MAL: variants seen among roughly 807,000 people sequenced by gnomAD.
MAL encodes the protein mal, T cell differentiation protein (MAL blood group), also known as myelin and lymphocyte protein.
In MAL, 5 loss-of-function variants were observed where a neutral mutation model predicts 16.7. That is an observed-to-expected ratio of 0.30 (90% CI 0.16 to 0.63). MAL has a LOEUF of 0.63. Among genes scored for constraint, MAL ranks in the 30% least tolerant of loss-of-function variants. The pLI, the probability that MAL is intolerant of heterozygous loss-of-function variation, is 0.82. For missense variants in MAL, 202 were observed against 195.8 expected (o/e 1.03, Z -0.19); for synonymous variants, 96 against 85.5 (o/e 1.12, Z -0.67).
rs761322906 is a variant in MAL, at chr2:95,049,601, C to A, written c.282C>A (p.Thr94=). 1 of 1,614,222 alleles carries A rather than the reference C, an allele frequency of 6.2e-7. No homozygotes were observed. The highest frequency in any genetic ancestry group is 1.1e-5 in the South Asian group (1 of 91,086). Residue 94 remains threonine, a synonymous_variant, in exon 3 of 4, where the codon ACC becomes ACA. Transcript: ENST00000309988. Reference sequence around the variant, plus strand: ...CATAGGACGCAGCCTACCACTGCACCGCTGCCCTCTTTTACCTCAGCGCCT... The same window carrying A: ...CATAGGACGCAGCCTACCACTGCACAGCTGCCCTCTTTTACCTCAGCGCCT... ...WVTLDAAYHC[T]AALFYLSASV... is the part of the protein sequence containing the mutation.
At position 95,053,431 on chromosome 2, in the gene MAL, T is replaced by G. The variant is rs1674763671; in HGVS notation, c.438T>G (p.Ser146=). 5 of 1,613,632 alleles carry G rather than the reference T, an allele frequency of 3.1e-6. No individual in the cohort carries two copies. The highest frequency in any genetic ancestry group is 3.4e-6 in the Non-Finnish European group (4 of 1,179,610). ...TLLYVVHAVF[S]LIRWKSS Reference sequence around the variant, plus strand: ...TCTACGTGGTCCATGCGGTGTTCTCTTTAATCAGATGGAAGTCTTCATAAA... The same window carrying G: ...TCTACGTGGTCCATGCGGTGTTCTCGTTAATCAGATGGAAGTCTTCATAAA... The change falls in exon 4 of 4, where the codon TCT becomes TCG. Residue 146 remains serine, a synonymous_variant. Coordinates refer to ENST00000309988, the MANE Select transcript of MAL (RefSeq NM_002371.4).
chr2:95,042,470 TAG>T (rs981060031), intron 1 of MAL, among the ~76,000 whole-genome samples: 2 of 152,138 alleles, frequency 1.3e-5, no homozygotes, highest in Middle Eastern at 3.2e-3. Flanking sequence ...CTGAGGAGGA[TAG>T]AGTGTTTGCT....
chr2:95,026,000 G>C lies in MAL; in HGVS notation c.93+115G>C. On this transcript the variant is annotated intron_variant, in intron 1 of 3. Coordinates refer to ENST00000309988, the MANE Select transcript of MAL (RefSeq NM_002371.4). The surrounding 1 kb of genome is among the most constrained non-coding windows in gnomAD (Gnocchi z 5.6). ...AGCTGCGCAGGTTCTGGGAGCATCG[G>C]GGCAGCAGGCGCAGGGCGGGGACTA... 1 of 913,204 alleles carries C rather than the reference G, an allele frequency of 1.1e-6. No homozygotes were observed. Among genetic ancestry groups the C allele is most frequent in the Non-Finnish European group, 1.6e-6 (1 of 609,996 alleles). The allele number at this position is 913,204 out of a possible 1,614,324, so 56.6% of individuals were successfully genotyped here.
At chr2:95,026,249 C>T in intron 1 of MAL, 1 of 200,408 alleles carries the variant, frequency 5.0e-6, no homozygotes, top group Non-Finnish European at 1.0e-5. Flanking sequence ...GCGCTTTGCG[C>T]GGTTGGGTAG....
At chr2:95,028,152 C>CAAA (rs898443996) in intron 1 of MAL, among the ~76,000 whole-genome samples, 48 of 39,672 alleles carry the variant, frequency 1.2e-3, no homozygotes, top group East Asian at 2.3e-3. Flanking sequence ...ACTAAAAATA[C>CAAA]AAAAAAAAAA....
intron 1 of MAL, among the ~76,000 whole-genome samples, chr2:95,036,351 G>A (rs546597094): frequency 2.0e-5 from 3 of 152,146 alleles, no homozygotes; most frequent in South Asian, 2.1e-4. Flanking sequence ...GCCAACTACC[G>A]GGCTCTGTAC....
At chr2:95,037,085 ATGAG>A (rs1476935287) in intron 1 of MAL, among the ~76,000 whole-genome samples, 1 of 36,504 alleles carries the variant, frequency 2.7e-5, no homozygotes, top group Non-Finnish European at 5.8e-5. Context: ...GGGTGAGTGA[ATGAG>A]TGAGTGAGTG....
intron 1 of MAL, among the ~76,000 whole-genome samples, chr2:95,040,426 C>G (rs1194706608): frequency 1.3e-5 from 2 of 152,134 alleles, no homozygotes; most frequent in African/African-American, 4.8e-5. Context: ...CACATACATA[C>G]GCACAGAAAA....
chr2:95,038,945 T>C (rs1328840815), intron 1 of MAL, among the ~76,000 whole-genome samples: 2 of 150,748 alleles, frequency 1.3e-5, no homozygotes, highest in Non-Finnish European at 3.0e-5. Context: ...AGTGACCGAG[T>C]GACTGAGTGA....
At chr2:95,027,699 A>AGTTTTTGTTTTT (rs58037289) in intron 1 of MAL, among the ~76,000 whole-genome samples, 6 of 151,908 alleles carry the variant, frequency 3.9e-5, no homozygotes, top group African/African-American at 1.2e-4. Context: ...ACCCCGGGAG[A>AGTTTTTGTTTTT]GTTTTTGTTT....
chr2:95,027,298 C>T (rs552653853), intron 1 of MAL, among the ~76,000 whole-genome samples: 37 of 152,316 alleles, frequency 2.4e-4, no homozygotes, highest in African/African-American at 7.9e-4. Flanking sequence ...GCAGAAATTA[C>T]AGGGGCGTGG....
chr2:95,046,986 AAAAG>A (rs1344998320), intron 1 of MAL, among the ~76,000 whole-genome samples: 11 of 151,560 alleles, frequency 7.3e-5, no homozygotes, highest in Admixed American at 1.3e-4. Context: ...GAAAGAAAGA[AAAAG>A]AAGGAAGGAA....
At chr2:95,035,643 T>C (rs1227004115) in intron 1 of MAL, among the ~76,000 whole-genome samples, 1 of 151,684 alleles carries the variant, frequency 6.6e-6, no homozygotes, top group Non-Finnish European at 1.5e-5. Flanking sequence ...TAATATAAAC[T>C]ATGGCCCTCC....
chr2:95,040,731 T>C (rs544150297), intron 1 of MAL, among the ~76,000 whole-genome samples: 1 of 152,300 alleles, frequency 6.6e-6, no homozygotes, highest in African/African-American at 2.4e-5. Context: ...TGAGTCCACA[T>C]GCCTCCCTCG....
At chr2:95,038,723 A>G (rs1421759125) in intron 1 of MAL, among the ~76,000 whole-genome samples, 2 of 151,544 alleles carry the variant, frequency 1.3e-5, no homozygotes, top group Admixed American at 6.6e-5. Flanking sequence ...TGACTGACTG[A>G]GTAAGAGACT....
intron 1 of MAL, among the ~76,000 whole-genome samples, chr2:95,038,856 CTGAG>C (rs1674344138): frequency 1.3e-4 from 1 of 8,000 alleles, no homozygotes; most frequent in African/African-American, 1.1e-3. Context: ...GACCGAGTGA[CTGAG>C]TGAGTGACTG....
intron 1 of MAL, among the ~76,000 whole-genome samples, chr2:95,041,773 C>T (rs1227850076): frequency 1.3e-5 from 2 of 152,100 alleles, no homozygotes; most frequent in African/African-American, 4.8e-5. Flanking sequence ...GAAGCTTCTC[C>T]AAGTTCACAC....
chr2:95,033,032 G>A (rs1450830970), intron 1 of MAL, among the ~76,000 whole-genome samples: 1 of 152,236 alleles, frequency 6.6e-6, no homozygotes, highest in Non-Finnish European at 1.5e-5. Context: ...TCACTGACCT[G>A]CAGTTCCTGG....
chr2:95,032,346 A>T (rs1459692075), intron 1 of MAL, among the ~76,000 whole-genome samples: 1 of 152,184 alleles, frequency 6.6e-6, no homozygotes, highest in Non-Finnish European at 1.5e-5. Flanking sequence ...AGGGGCTGGG[A>T]GTAGGGACTG....
Sources: gnomAD v4.1 joint callset for allele counts (sites outside exome capture counted in the v4.1 genomes callset) on GRCh38, gnomAD v4.1.1 for gene constraint, Gnocchi (gnomAD v3.1) non-coding constraint, MANE v1.5 for transcripts, NCBI Gene and HGNC (gene_info 2026-07-23, HGNC 2026-07-21) for gene names.